The following MAPK10 variants were observed in gnomAD, a reference collection of about 807,000 sequenced individuals.
The protein encoded by MAPK10 is mitogen-activated protein kinase 10.
A neutral mutation model predicts 59.3 loss-of-function variants in MAPK10; 25 were observed. The ratio of observed to expected loss-of-function variants is 0.42; its 90% CI spans 0.31 to 0.59. MAPK10 has a LOEUF of 0.59. Ranked by LOEUF, MAPK10 falls within the 20% of genes least tolerant of loss-of-function variation. The pLI is 0.15. For synonymous variants in MAPK10, 190 were observed against 200.5 expected (o/e 0.95, Z 0.44); for missense variants, 351 against 568.9 (o/e 0.62, Z 3.90).
intron 3 of MAPK10, among the ~76,000 whole-genome samples, chr4:86,171,275 T>C (rs1273788367): frequency 6.6e-6 from 1 of 152,098 alleles, no homozygotes; most frequent in Non-Finnish European, 1.5e-5. Flanking sequence ...AAAAAATTAA[T>C]GAACCTAGGA....
At chr4:86,176,956 T>G (rs940867090) in intron 3 of MAPK10, among the ~76,000 whole-genome samples, 1 of 152,118 alleles carries the variant, frequency 6.6e-6, no homozygotes, top group Non-Finnish European at 1.5e-5. Context: ...AATTAAATGT[T>G]ACATATTAAA....
At chr4:86,276,186 C>T (rs1019562003) in intron 2 of MAPK10, among the ~76,000 whole-genome samples, 3 of 151,970 alleles carry the variant, frequency 2.0e-5, no homozygotes, top group Non-Finnish European at 2.9e-5. Context: ...TATATTGTTT[C>T]CTTTCTCCAT....
At chr4:86,242,870 C>T (rs956992164) in intron 2 of MAPK10, among the ~76,000 whole-genome samples, 7 of 152,020 alleles carry the variant, frequency 4.6e-5, no homozygotes, top group Admixed American at 1.3e-4. Context: ...GCCCCTCCCC[C>T]GGAAGTTCGA....
Position 86,371,937 on chromosome 4 carries a change from A to C in MAPK10, c.-121-17293T>G, listed in dbSNP as rs373795808. 1.6e-4 allele frequency among the ~76,000 whole-genome samples: 25 copies of C among 152,260 alleles called. No individual in the cohort carries two copies. The East Asian group carries it at 4.3e-3, about 26-fold the overall frequency. The stretch of plus-strand genomic sequence containing the variant: ...GACTCCCACACAATAATAGTGGGAG[A>C]CTTTAACACCCCACTGTCAATATTA... On this transcript the variant is annotated intron_variant, in intron 1 of 13. Coordinates refer to the MAPK10 transcript ENST00000361569.
At chr4:86,279,061 T>C (rs1455142895) in intron 2 of MAPK10, among the ~76,000 whole-genome samples, 1 of 152,176 alleles carries the variant, frequency 6.6e-6, no homozygotes, top group African/African-American at 2.4e-5. Flanking sequence ...TTCATGGTTA[T>C]GTAAAGTGTT....
chr4:86,251,308 A>C (rs1457608295), intron 2 of MAPK10, among the ~76,000 whole-genome samples: 1 of 152,052 alleles, frequency 6.6e-6, no homozygotes, highest in Non-Finnish European at 1.5e-5. Flanking sequence ...TATATCTACC[A>C]ATGCTATCCC....
chr4:86,359,287 T>TCC (rs1736149397), intron 1 of MAPK10, among the ~76,000 whole-genome samples: 1 of 128,402 alleles, frequency 7.8e-6, no homozygotes, highest in African/African-American at 3.4e-5. Flanking sequence ...TCTCTCTCTC[T>TCC]CTGTGTGTGT....
intron 1 of MAPK10, among the ~76,000 whole-genome samples, chr4:86,426,513 A>T (rs1747296337): frequency 6.6e-6 from 1 of 152,202 alleles, no homozygotes; most frequent in Admixed American, 6.5e-5. Context: ...GAGACAAAAT[A>T]AATTTGCATT....
rs545034902 is a variant in MAPK10, at chr4:86,254,755, G to A, written c.-6-60348C>T. Among the ~76,000 whole-genome samples, 7 of 150,284 alleles carry A rather than the reference G, an allele frequency of 4.7e-5. No individual in the cohort carries two copies. The South Asian group carries it at 8.5e-4, about 18-fold the overall frequency. The stretch of plus-strand genomic sequence containing the variant: ...TGTTGACTTTCTGTCTCGTTGATCT[G>A]TCTAATGTTGACAGTGGGGTGTTAA... On this transcript the variant is annotated intron_variant, in intron 2 of 13. Coordinates refer to ENST00000641462, the MANE Select transcript of MAPK10 (RefSeq NM_138982.4).
chr4:86,265,820 C>T (rs1397495207), intron 2 of MAPK10, among the ~76,000 whole-genome samples: 1 of 152,100 alleles, frequency 6.6e-6, no homozygotes, highest in Non-Finnish European at 1.5e-5. Flanking sequence ...GTCCTGCCCA[C>T]AAGCAGTGCT....
chr4:86,257,819 T>C (rs1367548981), intron 2 of MAPK10, among the ~76,000 whole-genome samples: 1 of 152,200 alleles, frequency 6.6e-6, no homozygotes, highest in Non-Finnish European at 1.5e-5. Context: ...TCTCCATTTG[T>C]TCCCAATTCA....
At chr4:86,155,427 G>A (rs747176231) in intron 4 of MAPK10, among the ~76,000 whole-genome samples, 7 of 151,286 alleles carry the variant, frequency 4.6e-5, no homozygotes, top group East Asian at 1.9e-4. Flanking sequence ...CTAACCCACC[G>A]GATTAATATG....
At chr4:86,083,656 T>C (rs2051144738) in intron 9 of MAPK10, among the ~76,000 whole-genome samples, 1 of 151,918 alleles carries the variant, frequency 6.6e-6, no homozygotes, top group Admixed American at 6.6e-5. Context: ...AAAGTCCTAG[T>C]CCTGAACTGG....
At position 86,220,632 on chromosome 4, in the gene MAPK10, T is replaced by C. The variant is rs1254186564; in HGVS notation, c.-6-26225A>G. On this transcript the variant is annotated intron_variant, in intron 2 of 13. Transcript: ENST00000641462. ...TTAGAAGGAAATGTATATTTTTACA[T>C]TGAACTTCACTTGTGTTTAGAGTTA... Among the ~76,000 whole-genome samples, 17 of 152,362 alleles carry C rather than the reference T, an allele frequency of 1.1e-4. No individual in the cohort carries two copies. In the East Asian group the frequency reaches 3.1e-3, roughly 28 times the overall value.
At chr4:86,214,861 A>G (rs2086980870) in intron 2 of MAPK10, among the ~76,000 whole-genome samples, 1 of 152,170 alleles carries the variant, frequency 6.6e-6, no homozygotes, top group Admixed American at 6.5e-5. Flanking sequence ...ATGCAAACTC[A>G]ATGCAATCCT....
At chr4:86,445,272 A>T (rs1199384270) in intron 1 of MAPK10, among the ~76,000 whole-genome samples, 3 of 152,226 alleles carry the variant, frequency 2.0e-5, no homozygotes, top group Non-Finnish European at 2.9e-5. Context: ...CTTTGCAGGG[A>T]CATGAATGGA....
Position 86,098,604 on chromosome 4 carries a change from G to A in MAPK10, c.731-9C>T, listed in dbSNP as rs2054669433. ...CACAGACCATATATCCACTAGAACAGGAGAGAGAGGGTAGTGAAGAAAAGG... is the reference window on the plus strand; with the variant it reads ...CACAGACCATATATCCACTAGAACAAGAGAGAGAGGGTAGTGAAGAAAAGG... On this transcript the variant is annotated splice_polypyrimidine_tract_variant and intron_variant, in intron 8 of 13. Coordinates refer to ENST00000641462, the MANE Select transcript of MAPK10 (RefSeq NM_138982.4). The A allele has an allele frequency of 3.8e-6, 6 of 1,597,644 alleles. No individual in the cohort carries two copies. Among genetic ancestry groups the A allele is most frequent in the South Asian group, 2.2e-5 (2 of 90,640 alleles).
chr4:86,263,195 T>C (rs1290693496), intron 2 of MAPK10, among the ~76,000 whole-genome samples: 2 of 152,332 alleles, frequency 1.3e-5, no homozygotes, highest in African/African-American at 4.8e-5. Flanking sequence ...TTGTCCCTTG[T>C]TACTTCTCTA....
At chr4:86,431,792 T>C (rs1418991494) in intron 1 of MAPK10, among the ~76,000 whole-genome samples, 2 of 152,210 alleles carry the variant, frequency 1.3e-5, no homozygotes, top group African/African-American at 2.4e-5. Context: ...AAGAGAAACA[T>C]GTGCATTCGC....
Sources: allele counts gnomAD v4.1 joint callset (sites outside exome capture counted in the v4.1 genomes callset), GRCh38; gene constraint gnomAD v4.1.1; transcripts MANE v1.5; gene names NCBI Gene and HGNC (gene_info 2026-07-23, HGNC 2026-07-21).